The following LOC400499 variants were observed in gnomAD, a reference collection of about 807,000 sequenced individuals.
At chr16:11,393,443 C>T in the LOC400499 span, 2 of 1,232,340 alleles carry the variant, frequency 1.6e-6, no homozygotes, top group Non-Finnish European at 1.0e-6. Flanking sequence ...GGAACACAGA[C>T]AGCCTCACTT....
chr16:11,396,547 G>C, the LOC400499 span: 1 of 1,232,214 alleles, frequency 8.1e-7, no homozygotes, highest in Non-Finnish European at 1.0e-6. Context: ...AACGAGGCCT[G>C]CTGTGGTTTT....
chr16:11,485,174 A>C, the LOC400499 span: 4 of 397,920 alleles, frequency 1.0e-5, no homozygotes, highest in Non-Finnish European at 1.8e-5. Flanking sequence ...AGAAGGCTTG[A>C]GCACGGCACT....
At chr16:11,452,205 G>GTTTTTTTTTT in the LOC400499 span, among the ~76,000 whole-genome samples, 5 of 89,806 alleles carry the variant, frequency 5.6e-5, no homozygotes, top group African/African-American at 7.0e-5. Context: ...TTTTTTGTTT[G>GTTTTTTTTTT]TTTTTTTTTT....
At chr16:11,446,125 AGGAGAACTTTT>A in the LOC400499 span, among the ~76,000 whole-genome samples, 1 of 151,578 alleles carries the variant, frequency 6.6e-6, no homozygotes, top group South Asian at 2.1e-4. Context: ...ACACCTGGCC[AGGAGAACTTTT>A]TTGTGTGTGA....
the LOC400499 span, among the ~76,000 whole-genome samples, chr16:11,505,452 T>C: frequency 1.6e-5 from 2 of 125,642 alleles, no homozygotes; most frequent in Admixed American, 7.8e-5. Flanking sequence ...TTTCTTTTTT[T>C]TTTTTTTTTT....
chr16:11,464,849 G>C, the LOC400499 span, among the ~76,000 whole-genome samples: 340 of 152,284 alleles, frequency 2.2e-3, 4 homozygotes, highest in African/African-American at 7.8e-3. Flanking sequence ...ATCCGTGCTT[G>C]CACATTTAGC....
chr16:11,511,721 T>A, the LOC400499 span, among the ~76,000 whole-genome samples: 1 of 152,200 alleles, frequency 6.6e-6, no homozygotes, highest in Non-Finnish European at 1.5e-5. Flanking sequence ...TTTAGAGTGA[T>A]GACAATGTTC....
At chr16:11,399,860 A>T in the LOC400499 span, 6 of 398,224 alleles carry the variant, frequency 1.5e-5, no homozygotes, top group African/African-American at 4.1e-5. Context: ...GGGGACATGT[A>T]GGGGAGAGGA....
At chr16:11,451,551 AAAACAAACAAAC>A in the LOC400499 span, among the ~76,000 whole-genome samples, 3,241 of 149,564 alleles carry the variant, frequency 0.022, 100 homozygotes, top group African/African-American at 0.071. Context: ...ACCCTGTCTC[AAAACAAACAAAC>A]AAACAAACAA....
the LOC400499 span, among the ~76,000 whole-genome samples, chr16:11,522,641 C>T: frequency 1.3e-5 from 2 of 152,278 alleles, no homozygotes; most frequent in African/African-American, 4.8e-5. Context: ...CTTTTTTCTC[C>T]ATTTTACAGA....
At chr16:11,456,399 C>A in the LOC400499 span, among the ~76,000 whole-genome samples, 5 of 151,920 alleles carry the variant, frequency 3.3e-5, no homozygotes, top group African/African-American at 1.2e-4. Flanking sequence ...ACACAAAGAT[C>A]TGCAAATGCA....
At chr16:11,449,524 G>T in the LOC400499 span, among the ~76,000 whole-genome samples, 1 of 152,170 alleles carries the variant, frequency 6.6e-6, no homozygotes, top group Admixed American at 6.5e-5. Flanking sequence ...TTCAGAGCTA[G>T]GGGAGGTAGG....
the LOC400499 span, chr16:11,389,965 C>T: frequency 2.1e-6 from 1 of 471,570 alleles, no homozygotes; most frequent in Non-Finnish European, 3.4e-6. Flanking sequence ...CCAGCTTCCT[C>T]ATCTGTAAAA....
chr16:11,447,359 G>A, the LOC400499 span, among the ~76,000 whole-genome samples: 1 of 152,122 alleles, frequency 6.6e-6, no homozygotes, highest in Non-Finnish European at 1.5e-5. Flanking sequence ...TACATGAAAC[G>A]ACCACAAGCT....
At chr16:11,435,608 CT>C in the LOC400499 span, 3,471 of 399,176 alleles carry the variant, frequency 8.7e-3, 19 homozygotes, top group South Asian at 0.016. Context: ...GGACACCAGC[CT>C]TTTGGCCTCT....
the LOC400499 span, chr16:11,398,470 C>A: frequency 4.1e-6 from 5 of 1,232,158 alleles, no homozygotes; most frequent in Non-Finnish European, 5.1e-6. Flanking sequence ...TCCAGCGTGG[C>A]CTCCATGATG....
At chr16:11,469,160 G>C in the LOC400499 span, 3 of 399,502 alleles carry the variant, frequency 7.5e-6, no homozygotes, top group Admixed American at 4.4e-5. Flanking sequence ...GGTGGGCCTA[G>C]GGTGTGGAGC....
At chr16:11,457,285 G>A in the LOC400499 span, 3 of 473,100 alleles carry the variant, frequency 6.3e-6, no homozygotes, top group Non-Finnish European at 7.4e-6. Context: ...AAAACAGTGT[G>A]GCAGTTTTTC....
chr16:11,493,497 A>G, the LOC400499 span: 3 of 388,740 alleles, frequency 7.7e-6, no homozygotes, highest in Admixed American at 4.5e-5. Context: ...TTAGACCTGG[A>G]TACCTGTTCA....
Sources: allele counts gnomAD v4.1 joint callset (sites outside exome capture counted in the v4.1 genomes callset), GRCh38; gene constraint gnomAD v4.1.1; transcripts MANE v1.5.